Variants in CST8 observed in about 807,000 individuals in gnomAD.
CST8 encodes the protein cystatin-8.
CST8 carries 20 observed loss-of-function variants against 11.8 expected under a neutral mutation model. That is an observed-to-expected ratio of 1.70 (90% confidence interval 1.20 to 2.47). CST8 has a LOEUF of 2.47. Among genes scored for constraint, CST8 ranks in the 30% most tolerant of loss-of-function variants. CST8 has a pLI of 0.00. For missense variants in CST8, 196 were observed against 167.2 expected, an observed-to-expected ratio of 1.17 and a Z score of -0.95; for synonymous variants, 77 against 63.1, an observed-to-expected ratio of 1.22 and a Z score of -1.05.
chr20:23,501,291 T>C, the CST8 span, among the ~76,000 whole-genome samples: 2 of 152,222 alleles, frequency 1.3e-5, no homozygotes, highest in East Asian at 1.9e-4. Flanking sequence ...GGGAATCAGA[T>C]GCTCCTTCTG....
At chr20:23,497,098 T>C (rs1296484948), downstream of CST8, among the ~76,000 whole-genome samples, 1 of 152,186 alleles carries the variant, frequency 6.6e-6, no homozygotes, top group Non-Finnish European at 1.5e-5. Context: ...AAGACAGGCA[T>C]AGGAAATCAC....
At chr20:23,495,395 G>A (rs1007158882) in intron 3 of CST8, among the ~76,000 whole-genome samples, 1 of 152,108 alleles carries the variant, frequency 6.6e-6, no homozygotes, top group African/African-American at 2.4e-5. Flanking sequence ...CACAATGGGT[G>A]CACTAATTTG....
intron 3 of CST8, among the ~76,000 whole-genome samples, chr20:23,494,537 T>C (rs188318216): frequency 6.6e-6 from 1 of 152,330 alleles, no homozygotes; most frequent in East Asian, 1.9e-4. Context: ...CTTTCTTCTT[T>C]CTGACTTTGT....
intron 3 of CST8, among the ~76,000 whole-genome samples, chr20:23,493,686 T>C (rs1326717824): frequency 6.6e-6 from 1 of 152,158 alleles, no homozygotes; most frequent in Non-Finnish European, 1.5e-5. Flanking sequence ...GCTTTTGGCT[T>C]CAAGCCTGTA....
At chr20:23,493,120 A>G in intron 3 of CST8, 49 bp downstream of exon 3, 1 of 1,174,268 alleles carries the variant, frequency 8.5e-7, no homozygotes, top group South Asian at 1.2e-5. Context: ...CTCTGAACCC[A>G]AGAGAGAAAG....
chr20:23,494,135 A>C (rs1327446949), intron 3 of CST8, among the ~76,000 whole-genome samples: 1 of 152,196 alleles, frequency 6.6e-6, no homozygotes, highest in Non-Finnish European at 1.5e-5. Flanking sequence ...CCGTCAGGAC[A>C]AACATTTCAG....
downstream of CST8, among the ~76,000 whole-genome samples, chr20:23,497,725 C>A (rs1490382961): frequency 6.6e-6 from 1 of 152,184 alleles, no homozygotes; most frequent in African/African-American, 2.4e-5. Flanking sequence ...CAGGGGAACT[C>A]CCATTTATAA....
In CST8 at chr20:23,495,926, G is replaced by A. The variant is rs755932425; in HGVS notation, c.*12G>A. 2 of 1,598,236 alleles carry A rather than the reference G, an allele frequency of 1.3e-6. No homozygotes were observed. The highest frequency in any genetic ancestry group is 1.1e-5 in the South Asian group (1 of 88,380). Reference sequence around the variant, plus strand: ...GTGAAGATGCTTAATGGTGTTTTGAGGCATCCCTCCAACCTCTGTGACTAC... The same window carrying A: ...GTGAAGATGCTTAATGGTGTTTTGAAGCATCCCTCCAACCTCTGTGACTAC... On this transcript the variant is annotated 3_prime_UTR_variant, in exon 4 of 4. Transcript: ENST00000246012.
downstream of CST8, chr20:23,496,140 C>T (rs1988041291): frequency 1.9e-6 from 1 of 517,974 alleles, no homozygotes. Context: ...ATGGTCTACC[C>T]ATCACCAAGT....
the CST8 span, among the ~76,000 whole-genome samples, chr20:23,505,833 C>T: frequency 6.6e-6 from 1 of 152,142 alleles, no homozygotes; most frequent in African/African-American, 2.4e-5. Context: ...TTAATGAGAT[C>T]CCAGGTGGTT....
At chr20:23,505,441 G>A in the CST8 span, among the ~76,000 whole-genome samples, 1 of 152,002 alleles carries the variant, frequency 6.6e-6, no homozygotes, top group African/African-American at 2.4e-5. Flanking sequence ...ACCGCGCCCA[G>A]CCACAAGAAG....
chr20:23,495,775 CTTTT>C (rs11482296), intron 3 of CST8, 52 bp from the exon 4 acceptor site: 4,680 of 923,268 alleles, frequency 5.1e-3, no homozygotes, highest in Admixed American at 6.0e-3. Context: ...TTTTTCTTTT[CTTTT>C]TTTTTTTTTT....
At chr20:23,500,943 G>T (rs981358510), downstream of CST8, among the ~76,000 whole-genome samples, 3 of 152,214 alleles carry the variant, frequency 2.0e-5, no homozygotes, top group African/African-American at 7.2e-5. Context: ...GAGATCAGCA[G>T]AGCTTCCACC....
the CST8 span, among the ~76,000 whole-genome samples, chr20:23,504,928 G>A: frequency 6.6e-6 from 1 of 152,084 alleles, no homozygotes. Flanking sequence ...CTGCAATCAG[G>A]AGGTATTCTG....
chr20:23,492,403 C>T (rs1987915470), intron 2 of CST8, among the ~76,000 whole-genome samples: 1 of 152,250 alleles, frequency 6.6e-6, no homozygotes, highest in Non-Finnish European at 1.5e-5. Context: ...ACTAAAGACT[C>T]AGCAGAGAAC....
Position 23,495,845 on chromosome 20 carries a change from C to G in CST8, c.360C>G (p.Ser120Arg), listed in dbSNP as rs781038519. Residue 120 changes from serine (S) to arginine (R), a missense_variant, in exon 4 of 4, where the codon AGC (serine) becomes AGG (arginine). Physicochemically the swap from Ser to Arg is moderately radical, Grantham distance 110 (BLOSUM62 -1). Transcript: ENST00000246012. ...NSKLKRKLSC[S>R]FLVGALPWNG... is the part of the protein sequence containing the mutation. ...ATCTTTTTCAGAAATTAAGCTGCAG[C>G]TTTTTGGTAGGAGCACTTCCCTGGA... 7 of 1,602,710 alleles carry G rather than the reference C, an allele frequency of 4.4e-6. No homozygotes were observed. The South Asian group carries it at 7.9e-5, about 18-fold the overall frequency.
Position 23,491,580 on chromosome 20 carries a change from C to T in CST8, c.-88C>T. ...GGCTCGAAGATTCTTGAACCCACAG[C>T]AGCAGCTGCGGCCACCCCATCCTGC... On this transcript the variant is annotated 5_prime_UTR_variant, in exon 2 of 4. Transcript: ENST00000246012. 1.0e-6 allele frequency: 1 copy of T among 983,202 alleles called. No homozygotes were observed. The allele number at this position is 983,202 out of a possible 1,614,324, so 60.9% of individuals were successfully genotyped here.
Position 23,491,756 on chromosome 20 carries a change from G to C in CST8, c.89G>C (p.Gly30Ala), listed in dbSNP as rs57757745. The change falls in exon 2 of 4, where the codon GGG (glycine) becomes GCG (alanine). Residue 30 changes from glycine to alanine, a missense_variant. By Grantham distance (60) the Gly-to-Ala change is moderately conservative (BLOSUM62 0). Transcript: ENST00000246012. ...ARKDPKKNETGVLRKLKPVNA... is the reference protein window; with the variant it reads ...ARKDPKKNETAVLRKLKPVNA... ...AAAGACCCAAAAAAGAATGAGACAG[G>C]GGTGCTGAGGAAATTAAAACCCGTC... 6.2e-6 allele frequency: 10 copies of C among 1,614,100 alleles called. No individual in the cohort carries two copies. In the African/African-American group the frequency reaches 1.3e-4, roughly 22 times the overall value.
At chr20:23,492,476 G>A (rs1466416620) in intron 2 of CST8, among the ~76,000 whole-genome samples, 12 of 152,196 alleles carry the variant, frequency 7.9e-5, no homozygotes, top group Admixed American at 7.9e-4. Context: ...GGTGGGAGGG[G>A]CTTTGGGTGG....
Sources: gnomAD v4.1 joint callset for allele counts (sites outside exome capture counted in the v4.1 genomes callset) on GRCh38, gnomAD v4.1.1 for gene constraint, MANE v1.5 for transcripts, NCBI Gene and HGNC (gene_info 2026-07-23, HGNC 2026-07-21) for gene names.